UBE4A: variants seen among roughly 807,000 people sequenced by gnomAD.
UBE4A encodes ubiquitin conjugation factor E4 A.
In UBE4A, 48 loss-of-function variants were observed where a neutral mutation model predicts 117.9. That is an observed-to-expected ratio of 0.41 (90% confidence interval 0.32 to 0.52). The LOEUF (loss-of-function observed/expected upper bound fraction) is 0.52, where lower values mean the gene tolerates loss of function less well. Among genes scored for constraint, UBE4A ranks in the 20% least tolerant of loss-of-function variants. The pLI, the probability that UBE4A is intolerant of heterozygous loss-of-function variation, is 0.33. For missense variants in UBE4A, 1,067 were observed against 1,296.3 expected, an observed-to-expected ratio of 0.82 and a Z score of 2.72; for synonymous variants, 407 against 450.0, an observed-to-expected ratio of 0.90 and a Z score of 1.21.
intron 9 of UBE4A, among the ~76,000 whole-genome samples, chr11:118,376,270 A>G (rs998891837): frequency 9.9e-5 from 15 of 152,268 alleles, no homozygotes; most frequent in Non-Finnish European, 4.4e-5. Context: ...TGTAAACATG[A>G]TAACTGCTCA....
intron 10 of UBE4A, among the ~76,000 whole-genome samples, 197 bp downstream of exon 10, chr11:118,376,891 C>CAA (rs879969266): frequency 7.0e-6 from 1 of 142,774 alleles, no homozygotes; most frequent in African/African-American, 2.6e-5. Flanking sequence ...CCATCTCTAC[C>CAA]AAAAAAAAAA....
At chr11:118,375,632 T>TA (rs1948645847) in intron 9 of UBE4A, among the ~76,000 whole-genome samples, 1 of 152,086 alleles carries the variant, frequency 6.6e-6, no homozygotes, top group East Asian at 1.9e-4. Flanking sequence ...GTGCTGGGAT[T>TA]ACAGGCGTGA....
chr11:118,379,865 G>A, intron 11 of UBE4A, 115 bp downstream of exon 11: 1 of 1,260,950 alleles, frequency 7.9e-7, no homozygotes, highest in African/African-American at 1.5e-5. Context: ...AGTTGTTTTT[G>A]GAGAAACAAC....
Position 118,380,585 on chromosome 11 carries a change from ATAAAT to A in UBE4A, c.1877-802_1877-798del, listed in dbSNP as rs1413745855. Among the ~76,000 whole-genome samples the A allele has an allele frequency of 1.1e-4, 17 of 152,226 alleles. No individual in the cohort carries two copies. In the South Asian group the frequency reaches 2.5e-3, roughly 22 times the overall value. On this transcript the variant is annotated intron_variant, in intron 11 of 19. Transcript: ENST00000252108. ...TGACAGCAGGACCCTGTCTCAGAAA[ATAAAT>A]TAATTAATTAATAAAATAACAACAA...
intron 18 of UBE4A, among the ~76,000 whole-genome samples, 191 bp from the exon 19 acceptor site, chr11:118,392,547 A>G (rs1319460917): frequency 6.6e-6 from 1 of 152,222 alleles, no homozygotes; most frequent in South Asian, 2.1e-4. Context: ...TTGGGGCTCA[A>G]TGCTTAATTT....
rs541110342 is a variant in UBE4A at position 118,376,042 on chromosome 11, C to G, written c.1451-532C>G. ...GTAAAGGTACAAAGCTATGGAAAAT[C>G]TTGACTAAGGAATGGTGAGAGGCTC... On this transcript the variant is annotated intron_variant, in intron 9 of 19. Transcript: ENST00000252108. Among the ~76,000 whole-genome samples the G allele has an allele frequency of 3.9e-5, 6 of 152,176 alleles. No homozygotes were observed. In the South Asian group the frequency reaches 1.2e-3, roughly 32 times the overall value.
intron 19 of UBE4A, 100 bp from the exon 20 acceptor site, chr11:118,396,214 G>T: frequency 6.9e-7 from 1 of 1,459,408 alleles, no homozygotes. Context: ...AATGCACTCT[G>T]GCTTCATTCT....
intron 13 of UBE4A, among the ~76,000 whole-genome samples, chr11:118,383,995 A>G (rs45443099): frequency 0.025 from 3,792 of 152,270 alleles, 73 homozygotes; most frequent in Non-Finnish European, 0.037. Flanking sequence ...ATGGAGTACA[A>G]TTTCTGTTTT....
Position 118,379,473 on chromosome 11 carries a change from C to T in UBE4A, c.1599C>T (p.Asn533=). Residue 533 remains asparagine, a synonymous_variant, in exon 11 of 20, where the codon AAC becomes AAT. Coordinates refer to ENST00000252108, the MANE Select transcript of UBE4A (RefSeq NM_001204077.2). The part of the protein sequence containing the change: ...HRLHDQMVKI[N]QNLHRLQVAW... Reference sequence around the variant, plus strand: ...TGCATGATCAGATGGTAAAAATCAACCAAAATCTGCATCGGCTGCAGGTTG... The same window carrying T: ...TGCATGATCAGATGGTAAAAATCAATCAAAATCTGCATCGGCTGCAGGTTG... The T allele has an allele frequency of 6.2e-7, 1 of 1,613,788 alleles. No individual in the cohort carries two copies. The highest frequency in any genetic ancestry group is 1.3e-5 in the African/African-American group (1 of 75,034).
chr11:118,368,188 G>A (rs1024010852), intron 2 of UBE4A, among the ~76,000 whole-genome samples: 1 of 152,170 alleles, frequency 6.6e-6, no homozygotes, highest in Non-Finnish European at 1.5e-5. Context: ...CTTGAACACT[G>A]TTAAGTGTCT....
intron 1 of UBE4A, 48 bp from the exon 2 acceptor site, chr11:118,364,992 C>G: frequency 3.5e-6 from 5 of 1,414,910 alleles, no homozygotes; most frequent in Non-Finnish European, 4.7e-6. Flanking sequence ...TATATTACAG[C>G]TATTGTGTCA....
chr11:118,363,878 A>G (rs1025546714), intron 1 of UBE4A, among the ~76,000 whole-genome samples: 8 of 152,098 alleles, frequency 5.3e-5, no homozygotes, highest in African/African-American at 1.9e-4. Context: ...TCAGCCTCCC[A>G]GGGTGCTGGG....
rs563399121 is a variant in UBE4A, at chr11:118,391,877, G to A, written c.2917-861G>A. 4.3e-4 allele frequency among the ~76,000 whole-genome samples: 65 copies of A among 151,944 alleles called. 1 individual carries two copies. The highest frequency in any genetic ancestry group is 1.3e-3 in the African/African-American group (55 of 41,458). On this transcript the variant is annotated intron_variant, in intron 18 of 19. Transcript: ENST00000252108. ...TTATGTAAGATGTTTTTATGAAAAC[G>A]TTTATGCACAGTGTTACCAATAGAT...
chr11:118,392,384 C>T (rs1555128703), intron 18 of UBE4A, among the ~76,000 whole-genome samples: 1 of 152,202 alleles, frequency 6.6e-6, no homozygotes, highest in African/African-American at 2.4e-5. Flanking sequence ...TACCCTCCTC[C>T]ATTCTCCCTT....
intron 4 of UBE4A, 22 bp downstream of exon 4, chr11:118,369,557 T>C (rs753495815): frequency 6.3e-7 from 1 of 1,594,518 alleles, no homozygotes; most frequent in Admixed American, 1.7e-5. Context: ...ACGTTCCTAA[T>C]GTGTGCCCTT....
At chr11:118,385,436 G>T (rs1284058530) in intron 15 of UBE4A, among the ~76,000 whole-genome samples, 1 of 152,098 alleles carries the variant, frequency 6.6e-6, no homozygotes, top group African/African-American at 2.4e-5. Context: ...TCATATAAAG[G>T]CTCCAAGTTG....
At chr11:118,381,274 A>G in intron 11 of UBE4A, 117 bp from the exon 12 acceptor site, 4 of 1,330,572 alleles carry the variant, frequency 3.0e-6, no homozygotes, top group Non-Finnish European at 4.1e-6. Context: ...TAGTACCAAC[A>G]AAACATTTAG....
chr11:118,390,199 T>C (rs749278858), intron 17 of UBE4A, among the ~76,000 whole-genome samples: 118 of 151,780 alleles, frequency 7.8e-4, no homozygotes, highest in Non-Finnish European at 1.5e-3. Context: ...ACTAGTAAGA[T>C]TTTGTGTGAC....
Position 118,379,645 on chromosome 11 carries a change from A to G in UBE4A, c.1771A>G (p.Met591Val), listed in dbSNP as rs1478693468. The G allele has an allele frequency of 3.7e-6, 6 of 1,614,120 alleles. No individual in the cohort carries two copies. Among genetic ancestry groups the G allele is most frequent in the African/African-American group, 1.3e-5 (1 of 74,940 alleles). The change falls in exon 11 of 20, where the codon ATG becomes GTG. Residue 591 changes from methionine (M) to valine (V), a missense_variant. Met to Val is a conservative substitution (Grantham distance 21, BLOSUM62 1). Transcript: ENST00000252108. ...AAACTGCCTAAACTTGCAGGTGTCC[A>G]TGGCTGTTCTACTGGTTCAACTGGC... is the stretch of plus-strand genomic sequence containing the variant. ...LQNCLNLQVS[M>V]AVLLVQLAIG...
Sources: gnomAD v4.1 joint callset for allele counts (sites outside exome capture counted in the v4.1 genomes callset) on GRCh38, gnomAD v4.1.1 for gene constraint, MANE v1.5 for transcripts, NCBI Gene and HGNC (gene_info 2026-07-23, HGNC 2026-07-21) for gene names.